RRBP1: variants seen among roughly 807,000 people sequenced by gnomAD.
RRBP1 encodes the protein ribosome binding protein 1.
A neutral mutation model predicts 165.2 loss-of-function variants in RRBP1; 94 were observed. That is an observed-to-expected ratio of 0.57 (90% CI 0.48 to 0.68). The LOEUF (loss-of-function observed/expected upper bound fraction) is 0.68. RRBP1 is among the 30% of genes least tolerant of loss of function. The pLI is 0.00. For synonymous variants in RRBP1, 680 were observed against 714.5 expected (o/e 0.95, Z 0.77); for missense variants, 1,676 against 1,763.0 (o/e 0.95, Z 0.88).
In RRBP1 at chr20:17,676,005, C is replaced by T. The variant is rs146389013; in HGVS notation, c.-22+3994G>A. The stretch of plus-strand genomic sequence containing the variant: ...GGAGGACTCCTTTAGCCCAGGAGTT[C>T]AAGACTAGCCTGGGCAACGTGGCAA... On this transcript the variant is annotated intron_variant, in intron 2 of 24. Transcript: ENST00000377813. Among the ~76,000 whole-genome samples, 21 of 152,328 alleles carry T rather than the reference C, an allele frequency of 1.4e-4. No homozygotes were observed. In the East Asian group the frequency reaches 4.0e-3, roughly 29 times the overall value.
In RRBP1 at chr20:17,617,402, G is replaced by T. The variant is rs2035822150; in HGVS notation, c.3760-563C>A. 5.9e-5 allele frequency among the ~76,000 whole-genome samples: 9 copies of T among 152,338 alleles called. 1 individual carries two copies. The South Asian group carries it at 1.7e-3, about 28-fold the overall frequency. On this transcript the variant is annotated intron_variant, in intron 20 of 24. Coordinates refer to ENST00000377813, the MANE Select transcript of RRBP1 (RefSeq NM_001365613.2). ...GTAGAGGTTCCAATTGGAGACCCAGGTGGGGCCCTTGGCATAAGCTCCCCA... is the reference window on the plus strand; with the variant it reads ...GTAGAGGTTCCAATTGGAGACCCAGTTGGGGCCCTTGGCATAAGCTCCCCA...
At chr20:17,615,088 C>A (rs2035772189) in intron 23 of RRBP1, among the ~76,000 whole-genome samples, 1 of 152,202 alleles carries the variant, frequency 6.6e-6, no homozygotes, top group Admixed American at 6.5e-5. Flanking sequence ...TCAGCACCAC[C>A]AGAACTTCCT....
intron 2 of RRBP1, among the ~76,000 whole-genome samples, chr20:17,678,537 T>C (rs577374465): frequency 6.6e-6 from 1 of 152,284 alleles, no homozygotes; most frequent in Non-Finnish European, 1.5e-5. Flanking sequence ...ACCTACAGAA[T>C]GGGCAATTTC....
At chr20:17,627,956 C>T (rs76597890) in intron 9 of RRBP1, among the ~76,000 whole-genome samples, 9,434 of 152,258 alleles carry the variant, frequency 0.062, 357 homozygotes, top group East Asian at 0.12. Flanking sequence ...AGAGTGGAAA[C>T]GGACTCCAGC....
Position 17,621,465 on chromosome 20 carries a change from G to A in RRBP1, c.3407C>T (p.Ala1136Val), listed in dbSNP as rs368016675. The A allele has an allele frequency of 1.2e-4, 195 of 1,611,368 alleles. 1 individual carries two copies. The highest frequency in any genetic ancestry group is 6.4e-4 in the South Asian group (58 of 91,002). Residue 1136 changes from alanine to valine, a missense_variant, in exon 16 of 25, where the codon GCG (alanine) becomes GTG (valine). This residue lies in a region of RRBP1 where 1,184 missense variants were observed against 1,167.1 expected (regional missense o/e 1.01). Coordinates refer to ENST00000377813, the MANE Select transcript of RRBP1 (RefSeq NM_001365613.2). ...CAGGTTCCCAATGCTCACCGTCTCCGCCAGGATGCTGCGGTACTGGTCACA... is the reference window on the plus strand; with the variant it reads ...CAGGTTCCCAATGCTCACCGTCTCCACCAGGATGCTGCGGTACTGGTCACA... ...AECDQYRSILAETEGMLRDLQ... is the reference protein window; with the variant it reads ...AECDQYRSILVETEGMLRDLQ...
chr20:17,652,784 C>G (rs982766545), intron 3 of RRBP1, among the ~76,000 whole-genome samples: 1 of 152,212 alleles, frequency 6.6e-6, no homozygotes, highest in Non-Finnish European at 1.5e-5. Flanking sequence ...AGGGAGGAAC[C>G]CACGGTCTAA....
chr20:17,663,516 A>G (rs2036809952), intron 2 of RRBP1, among the ~76,000 whole-genome samples: 1 of 152,258 alleles, frequency 6.6e-6, no homozygotes, highest in African/African-American at 2.4e-5. Context: ...ATTTTTTAAA[A>G]GAAATCTTTC....
chr20:17,658,793 C>A lies in RRBP1; in HGVS notation c.1715G>T (p.Gly572Val). The A allele has an allele frequency of 6.2e-7, 1 of 1,614,022 alleles. No homozygotes were observed. The highest frequency in any genetic ancestry group is 8.5e-7 in the Non-Finnish European group (1 of 1,179,936). The change falls in exon 3 of 25, where the codon GGG becomes GTG. Residue 572 changes from glycine to valine, a missense_variant. Gly to Val is a moderately radical substitution (Grantham distance 109). Around this residue, in one of 5 missense-constraint regions of RRBP1, gnomAD observed 1,184 missense variants for 1,167.1 expected, o/e 1.01. Coordinates refer to ENST00000377813, the MANE Select transcript of RRBP1 (RefSeq NM_001365613.2). ...GITNQGKKAE[G>V]SPSEGKKAEG... ...TGCCTTTTTGCCTTCACTGGGGGAC[C>A]CTTCTGCTTTTTTCCCCTGGTTTGT...
Position 17,660,541 on chromosome 20 carries a change from C to T in RRBP1, c.-21-13G>A, listed in dbSNP as rs766777860. ...GCTTTCCTTTCACCTGTCAAACATA[C>T]ATGGAGGTTACTATTTATAGAAATC... On this transcript the variant is annotated splice_polypyrimidine_tract_variant and intron_variant, in intron 2 of 24. Coordinates refer to ENST00000377813, the MANE Select transcript of RRBP1 (RefSeq NM_001365613.2). 2.0e-6 allele frequency: 3 copies of T among 1,474,380 alleles called. No individual in the cohort carries two copies. Among genetic ancestry groups the T allele is most frequent in the Non-Finnish European group, 9.4e-7 (1 of 1,063,864 alleles). The allele number at this position is 1,474,380 out of a possible 1,614,324, so 91.3% of individuals were successfully genotyped here. A position where few individuals can be genotyped will look rare whatever the true frequency, so the allele number is the denominator to read the frequency against.
chr20:17,642,845 G>A, intron 4 of RRBP1, 134 bp downstream of exon 4: 2 of 982,906 alleles, frequency 2.0e-6, no homozygotes, highest in Non-Finnish European at 3.0e-6. Context: ...GATCCCTCGG[G>A]GTGGCAGAAT....
chr20:17,681,286 T>C (rs936876540), intron 1 of RRBP1, among the ~76,000 whole-genome samples: 4 of 147,914 alleles, frequency 2.7e-5, no homozygotes, highest in Non-Finnish European at 4.5e-5. Flanking sequence ...GGGGAAACGG[T>C]GGCCCCGGCC....
At chr20:17,636,833 GCA>G in intron 5 of RRBP1, 104 bp from the exon 6 acceptor site, 5 of 1,399,240 alleles carry the variant, frequency 3.6e-6, no homozygotes, top group Non-Finnish European at 4.9e-6. Context: ...GGAGAGCAGA[GCA>G]CAGACCCCTC....
At position 17,661,879 on chromosome 20, in the gene RRBP1, G is replaced by C. The variant is rs113108463; in HGVS notation, c.-21-1351C>G. Among the ~76,000 whole-genome samples, 721 of 152,260 alleles carry C rather than the reference G, an allele frequency of 4.7e-3. 6 individuals carry two copies. The highest frequency in any genetic ancestry group is 0.015 in the African/African-American group (629 of 41,550). On this transcript the variant is annotated intron_variant, in intron 2 of 24. Transcript: ENST00000377813. ...GTTATAGAGGAAGGAAACAGAGTAG[G>C]AATCAAATCCAAATTTTGACATGAG...
At chr20:17,664,188 C>G (rs76881966) in intron 2 of RRBP1, among the ~76,000 whole-genome samples, 1 of 152,190 alleles carries the variant, frequency 6.6e-6, no homozygotes, top group Non-Finnish European at 1.5e-5. Flanking sequence ...CTCAAACACA[C>G]GCACTGTGAT....
At chr20:17,624,518 A>C (rs2035978020) in intron 13 of RRBP1, 58 bp downstream of exon 13, 1 of 1,170,684 alleles carries the variant, frequency 8.5e-7, no homozygotes, top group Non-Finnish European at 1.3e-6. Flanking sequence ...GTCTTAGTGC[A>C]TTTGTGCATC....
chr20:17,616,836 TG>T lies in RRBP1; in HGVS notation c.3762del (p.Arg1255GlyfsTer4). Reference protein sequence around the residue: ...AQKQSDELALVRQQLSEMKSH... With the variant: ...AQKQSDELALXRQQLSEMKSH... The stretch of plus-strand genomic sequence containing the variant: ...CTCTTCATTTCACTCAACTGCTGCC[TG>T]ACCTGGAACAGGAAGGGGTGTGTTT... On this transcript the variant is annotated frameshift_variant and splice_region_variant, in exon 21 of 25. Transcript: ENST00000377813. LOFTEE classifies it high-confidence loss of function. The T allele has an allele frequency of 6.2e-7, 1 of 1,612,394 alleles. No individual in the cohort carries two copies. The highest frequency in any genetic ancestry group is 8.5e-7 in the Non-Finnish European group (1 of 1,178,910).
rs1367379192 is a variant in RRBP1, at chr20:17,614,893, AG to A, written c.4051-14del. On this transcript the variant is annotated splice_polypyrimidine_tract_variant and intron_variant, in intron 23 of 24. Transcript: ENST00000377813. Reference sequence around the variant, plus strand: ...TTTCTAGTCTCTCCTGATGGTCAGAAGGTTGACGGGCATCAGCCCTTGCACC... The same window carrying A: ...TTTCTAGTCTCTCCTGATGGTCAGAAGTTGACGGGCATCAGCCCTTGCACC... 4 of 1,611,728 alleles carry A rather than the reference AG, an allele frequency of 2.5e-6. No homozygotes were observed. The highest frequency in any genetic ancestry group is 3.4e-6 in the Non-Finnish European group (4 of 1,179,842).
At chr20:17,615,379 C>A in intron 23 of RRBP1, 52 bp downstream of exon 23, 1 of 1,440,450 alleles carries the variant, frequency 6.9e-7, no homozygotes, top group African/African-American at 1.4e-5. Flanking sequence ...AGAGTGGCGC[C>A]AGCCCCAGAG....
chr20:17,636,729 C>G lies in RRBP1; in HGVS notation c.2185G>C (p.Glu729Gln), dbSNP rs1329067641. 8.1e-6 allele frequency: 13 copies of G among 1,612,626 alleles called. No homozygotes were observed. The highest frequency in any genetic ancestry group is 1.1e-5 in the Non-Finnish European group (13 of 1,180,034). The change falls in exon 6 of 25, where the codon GAG becomes CAG. Residue 729 changes from glutamate to glutamine, a missense_variant and splice_region_variant. Glu to Gln is a conservative substitution (Grantham distance 29, BLOSUM62 2). Transcript: ENST00000377813. ...GCTTTGGCCTTTTCTGCTGCCATCT[C>G]CTGGGGGGAAAGTAGCAGAGAGAGG... ...AKSKLRELNK[E>Q]MAAEKAKAAA... is the part of the protein sequence containing the mutation.
Sources: gnomAD v4.1 joint callset for allele counts (sites outside exome capture counted in the v4.1 genomes callset) on GRCh38, gnomAD v4.1.1 for gene constraint, gnomAD v4.1.1 regional missense constraint, MANE v1.5 for transcripts, NCBI Gene and HGNC (gene_info 2026-07-23, HGNC 2026-07-21) for gene names.